Variants in SCARB1 observed in about 807,000 individuals in gnomAD.
SCARB1 encodes scavenger receptor class B member 1, also known as CD36 and LIMPII analogous 1.
A neutral mutation model predicts 57.2 loss-of-function variants in SCARB1; 30 were observed. The ratio of observed to expected loss-of-function variants is 0.52; its 90% confidence interval spans 0.39 to 0.71. The LOEUF (loss-of-function observed/expected upper bound fraction) is 0.71, where lower values mean the gene tolerates loss of function less well. SCARB1 is among the 30% of genes least tolerant of loss of function. The pLI is 0.00. For missense variants in SCARB1, 543 were observed against 671.2 expected, an observed-to-expected ratio of 0.81 and a Z score of 2.11; for synonymous variants, 249 against 268.3, an observed-to-expected ratio of 0.93 and a Z score of 0.70.
Position 124,789,137 on chromosome 12 carries a change from C to G in SCARB1, c.1203-1680G>C, listed in dbSNP as rs573226508. Among the ~76,000 whole-genome samples the G allele has an allele frequency of 6.6e-6, 1 of 152,298 alleles. No individual in the cohort carries two copies. Among genetic ancestry groups the G allele is most frequent in the East Asian group, 1.9e-4 (1 of 5,186 alleles). On this transcript the variant is annotated intron_variant, in intron 9 of 12. Transcript: ENST00000261693. The surrounding 1 kb of genome is among the most constrained non-coding windows in gnomAD (Gnocchi z 4.4). ...TAAACTTGATACTGCAGAAACGTCA[C>G]AGGCATGACCTCATCCAGGCTATCA...
intron 7 of SCARB1, among the ~76,000 whole-genome samples, chr12:124,802,343 T>C (rs1950163631): frequency 6.6e-6 from 1 of 152,130 alleles, no homozygotes; most frequent in African/African-American, 2.4e-5. Context: ...AGAGACCTTC[T>C]CCTGCAGGTG....
At chr12:124,843,985 C>A (rs760975212) in intron 1 of SCARB1, among the ~76,000 whole-genome samples, 3 of 152,154 alleles carry the variant, frequency 2.0e-5, no homozygotes, top group Non-Finnish European at 2.9e-5. Context: ...AGTGGCCCTT[C>A]TGGAAGGCAT....
At chr12:124,839,481 T>C (rs995400971) in intron 1 of SCARB1, among the ~76,000 whole-genome samples, 1 of 152,208 alleles carries the variant, frequency 6.6e-6, no homozygotes. Context: ...GCTCCCACCG[T>C]TGGGCCATCG....
Position 124,780,950 on chromosome 12 carries a change from G to A in SCARB1, c.*1733C>T, listed in dbSNP as rs184116630. 5.4e-3 allele frequency among the ~76,000 whole-genome samples: 823 copies of A among 152,322 alleles called. 15 individuals are homozygous for A. Among genetic ancestry groups the A allele is most frequent in the African/African-American group, 0.019 (781 of 41,578 alleles). On this transcript the variant is annotated intron_variant, in intron 12 of 12. Transcript: ENST00000261693. ...GGCTGGAAGGAGCAGGCACACCGATGGGGCCAAACCGTGCACAGCACTACG... is the reference window on the plus strand; with the variant it reads ...GGCTGGAAGGAGCAGGCACACCGATAGGGCCAAACCGTGCACAGCACTACG...
Position 124,837,588 on chromosome 12 carries a change from G to T in SCARB1, c.127-19881C>A, listed in dbSNP as rs1951734320. The stretch of plus-strand genomic sequence containing the variant: ...GAAAAGAAAAGAAAAGAAAAGAAAA[G>T]AAAAGAAAAGTCAGCCAGCTGGGTG... On this transcript the variant is annotated intron_variant, in intron 1 of 12. Coordinates refer to ENST00000261693, the MANE Select transcript of SCARB1 (RefSeq NM_005505.5). Among the ~76,000 whole-genome samples the T allele has an allele frequency of 3.3e-5, 2 of 61,192 alleles. 1 individual carries two copies. The highest frequency in any genetic ancestry group is 9.8e-4 in the South Asian group (2 of 2,034). The allele number at this position is 61,192 out of a possible 152,430, so 40.1% of individuals were successfully genotyped here.
At chr12:124,795,766 AC>A (rs1431142654) in intron 8 of SCARB1, among the ~76,000 whole-genome samples, 1 of 152,018 alleles carries the variant, frequency 6.6e-6, no homozygotes, top group African/African-American at 2.4e-5. Flanking sequence ...GGTCTTTAAT[AC>A]CCCTCTAATA....
chr12:124,787,479 CTG>C, intron 9 of SCARB1, 22 bp from the exon 10 acceptor site: 1 of 1,608,774 alleles, frequency 6.2e-7, no homozygotes, highest in Non-Finnish European at 8.5e-7. Context: ...CAAGACATAG[CTG>C]TGTGAAACAA....
In SCARB1 at chr12:124,779,402, A is replaced by G. The variant is rs1208183855; in HGVS notation, c.*1-816T>C. 2.0e-5 allele frequency among the ~76,000 whole-genome samples: 3 copies of G among 152,258 alleles called. No individual in the cohort carries two copies. The East Asian group carries it at 5.8e-4, about 29-fold the overall frequency. ...TGACCTCATGCTCATGGCTGCGCAC[A>G]TGCAGATTCAGAAAAAACAAACCCA... On this transcript the variant is annotated intron_variant, in intron 12 of 12. Transcript: ENST00000261693.
intron 1 of SCARB1, among the ~76,000 whole-genome samples, chr12:124,834,598 G>A (rs954674865): frequency 2.6e-5 from 4 of 152,274 alleles, no homozygotes; most frequent in Admixed American, 6.5e-5. Context: ...GTACCTGTTC[G>A]GGCAGTGGTT....
At chr12:124,792,217 A>G (rs950226838) in intron 9 of SCARB1, among the ~76,000 whole-genome samples, 2 of 152,160 alleles carry the variant, frequency 1.3e-5, no homozygotes, top group Non-Finnish European at 2.9e-5. Context: ...AGCTTCCCCG[A>G]CAGGTCACGA....
At chr12:124,826,588 G>A (rs774739648) in intron 1 of SCARB1, among the ~76,000 whole-genome samples, 1 of 151,894 alleles carries the variant, frequency 6.6e-6, no homozygotes, top group African/African-American at 2.4e-5. Flanking sequence ...GGACTACAAG[G>A]CACATACCAC....
chr12:124,855,781 G>A (rs1455718629), intron 1 of SCARB1, among the ~76,000 whole-genome samples: 6 of 152,242 alleles, frequency 3.9e-5, no homozygotes, highest in African/African-American at 1.2e-4. Flanking sequence ...GTGGCTTATG[G>A]CCCCAGGGGC....
chr12:124,847,810 C>A (rs559592046), intron 1 of SCARB1, among the ~76,000 whole-genome samples: 1 of 152,276 alleles, frequency 6.6e-6, no homozygotes, highest in East Asian at 1.9e-4. Context: ...ATCCAGGCAC[C>A]CAACCCCGGC....
intron 10 of SCARB1, among the ~76,000 whole-genome samples, chr12:124,787,176 C>T (rs1275164824): frequency 6.6e-6 from 1 of 152,204 alleles, no homozygotes; most frequent in Non-Finnish European, 1.5e-5. Flanking sequence ...TTTACCTCTT[C>T]ATGCAGCTTC....
chr12:124,856,005 G>C (rs894791213), intron 1 of SCARB1, among the ~76,000 whole-genome samples: 1 of 152,240 alleles, frequency 6.6e-6, no homozygotes, highest in Non-Finnish European at 1.5e-5. Context: ...GGCGATTCCA[G>C]GTGGCTGAGC....
At chr12:124,811,646 G>A (rs1456228153) in intron 5 of SCARB1, among the ~76,000 whole-genome samples, 1 of 152,140 alleles carries the variant, frequency 6.6e-6, no homozygotes, top group East Asian at 1.9e-4. Flanking sequence ...CAGGTGCTCA[G>A]TAAGCTCAGT....
rs1009496986 is a variant in SCARB1 at position 124,817,981 on chromosome 12, G to T, written c.127-274C>A. On this transcript the variant is annotated intron_variant, in intron 1 of 12. Coordinates refer to ENST00000261693, the MANE Select transcript of SCARB1 (RefSeq NM_005505.5). The surrounding 1 kb of genome is among the most constrained non-coding windows in gnomAD (Gnocchi z 4.8). Reference sequence around the variant, plus strand: ...ACCAGTCAAGGGACTGTGGTAAACAGGGGCCCATGCACCACCTAAAGGGAG... The same window carrying T: ...ACCAGTCAAGGGACTGTGGTAAACATGGGCCCATGCACCACCTAAAGGGAG... 1.3e-5 allele frequency among the ~76,000 whole-genome samples: 2 copies of T among 152,198 alleles called. No individual in the cohort carries two copies. Among genetic ancestry groups the T allele is most frequent in the African/African-American group, 4.8e-5 (2 of 41,454 alleles).
chr12:124,799,305 G>A lies in SCARB1; in HGVS notation c.1128+819C>T, dbSNP rs117747073. Among the ~76,000 whole-genome samples the A allele has an allele frequency of 3.9e-4, 60 of 152,130 alleles. 1 individual carries two copies. In the East Asian group the frequency reaches 9.1e-3, roughly 23 times the overall value. On this transcript the variant is annotated intron_variant, in intron 8 of 12. Transcript: ENST00000261693. ...TTTGGGAGGCCAAGACAGGAGGATC[G>A]CTTGAGCCCAAGAGTTCGAGACCAG... is the stretch of plus-strand genomic sequence containing the variant.
At chr12:124,794,751 T>A (rs1363116679) in intron 9 of SCARB1, among the ~76,000 whole-genome samples, 1 of 152,084 alleles carries the variant, frequency 6.6e-6, no homozygotes, top group African/African-American at 2.4e-5. Flanking sequence ...ACCAACATGG[T>A]GAAACCCCAT....
Sources: allele counts gnomAD v4.1 joint callset (sites outside exome capture counted in the v4.1 genomes callset), GRCh38; gene constraint gnomAD v4.1.1; non-coding constraint Gnocchi (gnomAD v3.1); transcripts MANE v1.5; gene names NCBI Gene and HGNC (gene_info 2026-07-23, HGNC 2026-07-21).